The following FZD6 variants were observed in gnomAD, a reference collection of about 807,000 sequenced individuals.
FZD6 encodes frizzled class receptor 6.
In FZD6, 49 loss-of-function variants were observed where a neutral mutation model predicts 61.4. The ratio of observed to expected loss-of-function variants is 0.80; its 90% CI spans 0.63 to 1.01. The LOEUF (loss-of-function observed/expected upper bound fraction) is 1.01, where lower values mean the gene tolerates loss of function less well. FZD6 is among the 50% of genes least tolerant of loss of function. FZD6 has a pLI of 0.00. For synonymous variants in FZD6, 265 were observed against 292.2 expected (o/e 0.91, Z 0.95); for missense variants, 724 against 848.2 (o/e 0.85, Z 1.82).
intron 2 of FZD6, among the ~76,000 whole-genome samples, chr8:103,308,687 A>C (rs1352225555): frequency 2.6e-5 from 4 of 152,192 alleles, no homozygotes; most frequent in Non-Finnish European, 5.9e-5. Flanking sequence ...TGCAAGCAAT[A>C]TGCTACTTTC....
intron 3 of FZD6, among the ~76,000 whole-genome samples, chr8:103,323,473 C>T (rs1391914642): frequency 2.0e-5 from 3 of 151,106 alleles, no homozygotes; most frequent in African/African-American, 4.9e-5. Context: ...CTCTGTCTCC[C>T]AGGCTGGAGT....
At chr8:103,322,478 C>T (rs998863926) in intron 3 of FZD6, among the ~76,000 whole-genome samples, 2 of 151,830 alleles carry the variant, frequency 1.3e-5, no homozygotes, top group Non-Finnish European at 2.9e-5. Context: ...TGAATACTGA[C>T]TGACTTGATC....
chr8:103,328,401 G>A lies in FZD6; in HGVS notation c.1526G>A (p.Arg509Gln), dbSNP rs143405641. 2.9e-5 allele frequency: 46 copies of A among 1,611,654 alleles called. No homozygotes were observed. The highest frequency in any genetic ancestry group is 3.1e-5 in the Non-Finnish European group (37 of 1,178,026). ...TCTEWAGFFKRNRKRDPISES... is the reference protein window; with the variant it reads ...TCTEWAGFFKQNRKRDPISES... ...ACAGAATGGGCTGGGTTTTTTAAAC[G>A]AAATCGCAAGAGAGAGTAAGAAACT... Residue 509 changes from arginine to glutamine, a missense_variant, in exon 5 of 7, where the codon CGA (arginine) becomes CAA (glutamine). By Grantham distance (43) the Arg-to-Gln change is conservative (BLOSUM62 1). Coordinates refer to ENST00000358755, the MANE Select transcript of FZD6 (RefSeq NM_003506.4).
chr8:103,324,863 T>C lies in FZD6; in HGVS notation c.757T>C (p.Leu253=), dbSNP rs1405810479. Residue 253 remains leucine, a synonymous_variant, in exon 4 of 7, where the codon TTG becomes CTG. Coordinates refer to ENST00000358755, the MANE Select transcript of FZD6 (RefSeq NM_003506.4). ...ATCTCTTATGTACTTCATTGGATTT[T>C]TGCTAGGCGATAGCACAGCCTGCAA... ...IVSLMYFIGF[L]LGDSTACNKA... is the part of the protein sequence containing the mutation. The C allele has an allele frequency of 1.2e-6, 2 of 1,614,090 alleles. No homozygotes were observed. Among genetic ancestry groups the C allele is most frequent in the Non-Finnish European group, 1.7e-6 (2 of 1,179,952 alleles).
rs1245854135 is a variant in FZD6, at chr8:103,332,325, T to C, written c.*816T>C. ...TTTTGTATATTAGGCCAAGTGCAATTGACTTCCCTTTTTTAATGTTTCATG... is the reference window on the plus strand; with the variant it reads ...TTTTGTATATTAGGCCAAGTGCAATCGACTTCCCTTTTTTAATGTTTCATG... On this transcript the variant is annotated 3_prime_UTR_variant, in exon 7 of 7. Transcript: ENST00000358755. The C allele has an allele frequency of 2.0e-5, 3 of 152,200 alleles. No individual in the cohort carries two copies. Among genetic ancestry groups the C allele is most frequent in the African/African-American group, 7.2e-5 (3 of 41,462 alleles). The allele number at this position is 152,200 out of a possible 1,614,324, so 9.4% of individuals were successfully genotyped here. A position where few individuals can be genotyped will look rare whatever the true frequency, so the allele number is the denominator to read the frequency against.
chr8:103,322,160 A>G (rs1814808690), intron 3 of FZD6, among the ~76,000 whole-genome samples: 1 of 152,174 alleles, frequency 6.6e-6, no homozygotes, highest in Admixed American at 6.5e-5. Context: ...CTACTGCGTT[A>G]AGATCAAAAT....
At chr8:103,307,913 A>T (rs1285412157) in intron 2 of FZD6, 4 of 455,940 alleles carry the variant, frequency 8.8e-6, no homozygotes, top group Non-Finnish European at 1.8e-5. Flanking sequence ...TAAGCAAGGG[A>T]TTTCAGTGAG....
chr8:103,328,442 A>G, intron 5 of FZD6, 26 bp downstream of exon 5: 1 of 1,542,102 alleles, frequency 6.5e-7, no homozygotes, highest in Non-Finnish European at 9.0e-7. Context: ...ATTGTCTGAC[A>G]CAATTTTTAA....
rs1466686516 is a variant in FZD6, at chr8:103,318,759, G to A, written c.347G>A (p.Arg116Gln). Residue 116 changes from arginine to glutamine, a missense_variant, in exon 3 of 7, where the codon CGA becomes CAA. Arg to Gln is a conservative substitution (Grantham distance 43). Coordinates refer to ENST00000358755, the MANE Select transcript of FZD6 (RefSeq NM_003506.4). ...CKKLIDTFGI[R>Q]WPEELECDRL... ...AAATTAATTGACACTTTTGGGATCC[G>A]ATGGCCTGAGGAGCTTGAATGTGAC... is the stretch of plus-strand genomic sequence containing the variant. The A allele has an allele frequency of 3.7e-6, 6 of 1,608,182 alleles. No individual in the cohort carries two copies. The highest frequency in any genetic ancestry group is 2.2e-5 in the East Asian group (1 of 44,854).
Position 103,332,564 on chromosome 8 carries a change from TA to T in FZD6, c.*1057del, listed in dbSNP as rs1373294496. Reference sequence around the variant, plus strand: ...CAATCAAATGGAAAAAAGGTAGTTTTAATAAACAAGACACAACGTTTTTATA... The same window carrying T: ...CAATCAAATGGAAAAAAGGTAGTTTTATAAACAAGACACAACGTTTTTATA... On this transcript the variant is annotated 3_prime_UTR_variant, in exon 7 of 7. Transcript: ENST00000358755. 6.6e-6 allele frequency: 1 copy of T among 152,514 alleles called. No homozygotes were observed. The highest frequency in any genetic ancestry group is 1.9e-4 in the East Asian group (1 of 5,198). 9.4% of individuals were successfully genotyped at this position (152,514 alleles called of 1,614,324 possible). A position where few individuals can be genotyped will look rare whatever the true frequency, so the allele number is the denominator to read the frequency against.
At chr8:103,311,681 T>TAA (rs34828148) in intron 2 of FZD6, among the ~76,000 whole-genome samples, 2,784 of 124,456 alleles carry the variant, frequency 0.022, 39 homozygotes, top group Non-Finnish European at 0.029. Flanking sequence ...ACCTGTCTCT[T>TAA]AAAAAAAAAA....
rs61753730 is a variant in FZD6 at position 103,324,560 on chromosome 8, C to T, written c.454C>T (p.Gln152Ter). 1 of 1,611,918 alleles carries T rather than the reference C, an allele frequency of 6.2e-7. No homozygotes were observed. The highest frequency in any genetic ancestry group is 1.3e-5 in the African/African-American group (1 of 74,888). The change falls in exon 4 of 7, where the codon CAA becomes TAA. Residue 152 changes from glutamine to a stop codon, truncating the protein, a stop_gained. Coordinates refer to ENST00000358755, the MANE Select transcript of FZD6 (RefSeq NM_003506.4). LOFTEE classifies it high-confidence loss of function. ...EFLGPQKKTE[Q>*]VQRDIGFWCP... Reference sequence around the variant, plus strand: ...TCTTGGTCCTCAGAAGAAAACAGAACAAGTCCAAAGAGACATTGGATTTTG... The same window carrying T: ...TCTTGGTCCTCAGAAGAAAACAGAATAAGTCCAAAGAGACATTGGATTTTG...
In FZD6 at chr8:103,300,299, A is replaced by T; in HGVS notation, c.177+15A>T. The T allele has an allele frequency of 6.5e-7, 1 of 1,550,070 alleles. No individual in the cohort carries two copies. The highest frequency in any genetic ancestry group is 8.9e-7 in the Non-Finnish European group (1 of 1,121,414). On this transcript the variant is annotated intron_variant, in intron 2 of 6. Coordinates refer to ENST00000358755, the MANE Select transcript of FZD6 (RefSeq NM_003506.4). ...TGGAAATGGAGGTGAGTAGTGCTTC[A>T]TACGTTTATTGAATAGTAGTTTATG...
chr8:103,317,360 C>T (rs2687347), intron 2 of FZD6, among the ~76,000 whole-genome samples: 143,589 of 152,368 alleles, frequency 0.94, 67,716 homozygotes, highest in East Asian at 1. Context: ...ATTTATTTTA[C>T]TGGAGTCTTT....
intron 5 of FZD6, among the ~76,000 whole-genome samples, chr8:103,329,013 T>TTTTTTATATATA (rs143400765): frequency 8.7e-6 from 1 of 115,176 alleles, no homozygotes; most frequent in African/African-American, 3.0e-5. Flanking sequence ...CATTTTAGTT[T>TTTTTTATATATA]TATATATATA....
At chr8:103,320,232 G>C (rs1019985018) in intron 3 of FZD6, among the ~76,000 whole-genome samples, 1 of 152,182 alleles carries the variant, frequency 6.6e-6, no homozygotes, top group African/African-American at 2.4e-5. Context: ...ATATGTGTTC[G>C]AGAGAAGTGG....
intron 2 of FZD6, among the ~76,000 whole-genome samples, chr8:103,312,021 G>T (rs1254713695): frequency 6.6e-6 from 1 of 152,112 alleles, no homozygotes; most frequent in Admixed American, 6.5e-5. Flanking sequence ...TTCCAGTGAA[G>T]GATTATAGAA....
At chr8:103,319,519 C>T (rs1814722434) in intron 3 of FZD6, among the ~76,000 whole-genome samples, 1 of 152,198 alleles carries the variant, frequency 6.6e-6, no homozygotes, top group South Asian at 2.1e-4. Flanking sequence ...GGGCAGCACT[C>T]TGGCAGTTTC....
chr8:103,307,879 A>C (rs757427743), intron 2 of FZD6: 22 of 456,124 alleles, frequency 4.8e-5, no homozygotes, highest in South Asian at 3.4e-4. Context: ...ATGCTGGCAC[A>C]GGTATGGTCT....
Sources: gnomAD v4.1 joint callset for allele counts (sites outside exome capture counted in the v4.1 genomes callset) on GRCh38, gnomAD v4.1.1 for gene constraint, MANE v1.5 for transcripts, NCBI Gene and HGNC (gene_info 2026-07-23, HGNC 2026-07-21) for gene names.